Variants in DCLK2 observed in about 807,000 individuals in gnomAD.
DCLK2 encodes the protein doublecortin like kinase 2.
A neutral mutation model predicts 78.4 loss-of-function variants in DCLK2; 31 were observed. That is an observed-to-expected ratio of 0.40 (90% CI 0.30 to 0.53). The LOEUF (loss-of-function observed/expected upper bound fraction) is 0.53. DCLK2 is among the 20% of genes least tolerant of loss of function. The pLI is 0.61. For synonymous variants in DCLK2, 407 were observed against 374.9 expected, an observed-to-expected ratio of 1.09 and a Z score of -0.99; for missense variants, 872 against 973.7, an observed-to-expected ratio of 0.90 and a Z score of 1.39.
At chr4:150,234,765 A>G (rs1461272639) in intron 10 of DCLK2, among the ~76,000 whole-genome samples, 9 of 151,170 alleles carry the variant, frequency 6.0e-5, no homozygotes, top group Admixed American at 2.6e-4. Context: ...AAAAAAAAAA[A>G]AAGGGGGATT....
intron 2 of DCLK2, among the ~76,000 whole-genome samples, chr4:150,153,285 G>T (rs1421074930): frequency 6.6e-6 from 1 of 152,172 alleles, no homozygotes. Flanking sequence ...CTTCCATGTG[G>T]TGCTGAAGGC....
At chr4:150,245,719 A>T (rs1743256100) in intron 12 of DCLK2, among the ~76,000 whole-genome samples, 1 of 152,214 alleles carries the variant, frequency 6.6e-6, no homozygotes, top group Non-Finnish European at 1.5e-5. Context: ...ATGACTGCAT[A>T]GTATTCCATG....
At chr4:150,220,393 A>C (rs961760600) in intron 5 of DCLK2, among the ~76,000 whole-genome samples, 1 of 152,214 alleles carries the variant, frequency 6.6e-6, no homozygotes, top group Non-Finnish European at 1.5e-5. Context: ...TTATTGTGCC[A>C]CTAATAACTA....
At chr4:150,086,378 A>C (rs536197548) in intron 1 of DCLK2, among the ~76,000 whole-genome samples, 1 of 152,216 alleles carries the variant, frequency 6.6e-6, no homozygotes, top group South Asian at 2.1e-4. Flanking sequence ...TTTTTAATAT[A>C]TTTTTCTTCA....
chr4:150,175,011 A>AAAAAATATATATATATATAT (rs1454035697), intron 2 of DCLK2, among the ~76,000 whole-genome samples: 1 of 9,974 alleles, frequency 1.0e-4, no homozygotes, highest in African/African-American at 2.6e-4. Context: ...AAAAAAAAAA[A>AAAAAATATATATATATATAT]ATATATATAT....
At chr4:150,127,787 T>A (rs940529232) in intron 2 of DCLK2, among the ~76,000 whole-genome samples, 5 of 152,190 alleles carry the variant, frequency 3.3e-5, no homozygotes, top group Non-Finnish European at 7.3e-5. Context: ...TGTTTGGCAT[T>A]AAGCCCCTAG....
chr4:150,215,365 C>A lies in DCLK2; in HGVS notation c.1057-5338C>A, dbSNP rs76368491. On this transcript the variant is annotated intron_variant, in intron 5 of 15. Coordinates refer to ENST00000296550, the MANE Select transcript of DCLK2 (RefSeq NM_001040260.4). ...GAGGGCCCATTCCCCAAAACTACCC[C>A]CTTCTTCAGACACCAGTGGCAAGTC... 6.3e-4 allele frequency among the ~76,000 whole-genome samples: 96 copies of A among 152,250 alleles called. 1 individual carries two copies. Among genetic ancestry groups the A allele is most frequent in the African/African-American group, 2.2e-3 (91 of 41,532 alleles).
chr4:150,147,720 C>A (rs1455781887), intron 2 of DCLK2, among the ~76,000 whole-genome samples: 1 of 152,206 alleles, frequency 6.6e-6, no homozygotes, highest in East Asian at 1.9e-4. Flanking sequence ...GCCTGTGGAA[C>A]TGATGCTGGA....
intron 8 of DCLK2, among the ~76,000 whole-genome samples, chr4:150,231,183 T>C (rs1208213420): frequency 6.6e-6 from 1 of 152,248 alleles, no homozygotes; most frequent in African/African-American, 2.4e-5. Flanking sequence ...CTCCAGTGAC[T>C]GTTTCCAAGG....
At chr4:150,247,004 C>A (rs1406087341) in intron 12 of DCLK2, among the ~76,000 whole-genome samples, 2 of 152,096 alleles carry the variant, frequency 1.3e-5, no homozygotes, top group Non-Finnish European at 2.9e-5. Flanking sequence ...ATCCTGAACT[C>A]CTTATGACTT....
Position 150,102,506 on chromosome 4 carries a change from A to G in DCLK2, c.450A>G (p.Glu150=). 6.2e-7 allele frequency: 1 copy of G among 1,613,876 alleles called. No individual in the cohort carries two copies. Among genetic ancestry groups the G allele is most frequent in the Non-Finnish European group, 8.5e-7 (1 of 1,179,820 alleles). The change falls in exon 2 of 16, where the codon GAA becomes GAG. Residue 150 remains glutamate (E), a synonymous_variant. Coordinates refer to ENST00000296550, the MANE Select transcript of DCLK2 (RefSeq NM_001040260.4). The part of the protein sequence containing the change: ...EGESYVCASN[E]PFRKVDYTKN... ...AGAGTTACGTGTGTGCATCCAATGA[A>G]CCATTTCGTAAAGTCGATTACACCA...
At chr4:150,251,640 AC>A (rs1197817054) in intron 15 of DCLK2, among the ~76,000 whole-genome samples, 8 of 11,736 alleles carry the variant, frequency 6.8e-4, no homozygotes, top group Admixed American at 1.2e-3. Flanking sequence ...CACACCCCAC[AC>A]CCCCCGCCCC....
rs72730398 is a variant in DCLK2, at chr4:150,171,190, G to A, written c.757-21948G>A. Among the ~76,000 whole-genome samples the A allele has an allele frequency of 7.5e-3, 1,143 of 152,286 alleles. 3 individuals are homozygous for A. The highest frequency in any genetic ancestry group is 0.015 in the South Asian group (72 of 4,820). On this transcript the variant is annotated intron_variant, in intron 2 of 15. Coordinates refer to ENST00000296550, the MANE Select transcript of DCLK2 (RefSeq NM_001040260.4). ...AGACATACCCACATAAAATAGAGATGATTTAGTTGGCTGGGCGCGGTGGCT... is the reference window on the plus strand; with the variant it reads ...AGACATACCCACATAAAATAGAGATAATTTAGTTGGCTGGGCGCGGTGGCT...
chr4:150,183,582 G>A (rs895272352), intron 2 of DCLK2, among the ~76,000 whole-genome samples: 1 of 152,048 alleles, frequency 6.6e-6, no homozygotes, highest in Non-Finnish European at 1.5e-5. Context: ...GTTATCTTGG[G>A]ATAGAAAACT....
intron 1 of DCLK2, 30 bp downstream of exon 1, chr4:150,079,478 G>A: frequency 6.9e-7 from 1 of 1,445,068 alleles, no homozygotes; most frequent in South Asian, 1.5e-5. Flanking sequence ...CACGGCAGGT[G>A]CGGCGGAGCG....
chr4:150,114,124 A>AT lies in DCLK2; in HGVS notation c.756+11321dup, dbSNP rs530274860. 1.7e-4 allele frequency among the ~76,000 whole-genome samples: 25 copies of AT among 151,446 alleles called. No homozygotes were observed. In the South Asian group the frequency reaches 3.3e-3, roughly 20 times the overall value. On this transcript the variant is annotated intron_variant, in intron 2 of 15. Coordinates refer to ENST00000296550, the MANE Select transcript of DCLK2 (RefSeq NM_001040260.4). ...TGAGAAGATACTTGAAGTAATTTTG[A>AT]TTTTTTTTTAATTTATTAAGATTTG...
chr4:150,091,176 T>G (rs1730035141), intron 1 of DCLK2, among the ~76,000 whole-genome samples: 1 of 152,234 alleles, frequency 6.6e-6, no homozygotes, highest in Non-Finnish European at 1.5e-5. Context: ...GTATTTAAAA[T>G]GGACCTTAAA....
At chr4:150,087,264 A>T (rs998607184) in intron 1 of DCLK2, among the ~76,000 whole-genome samples, 2 of 152,198 alleles carry the variant, frequency 1.3e-5, no homozygotes, top group Admixed American at 6.5e-5. Flanking sequence ...TTTCAAACTA[A>T]GTGACTAAAA....
At chr4:150,108,658 A>T (rs1018311007) in intron 2 of DCLK2, among the ~76,000 whole-genome samples, 19 of 152,180 alleles carry the variant, frequency 1.2e-4, no homozygotes, top group Non-Finnish European at 2.6e-4. Context: ...AAAGAGTGAC[A>T]TTCTCATAAT....
Sources: allele counts gnomAD v4.1 joint callset (sites outside exome capture counted in the v4.1 genomes callset), GRCh38; gene constraint gnomAD v4.1.1; transcripts MANE v1.5; gene names NCBI Gene and HGNC (gene_info 2026-07-23, HGNC 2026-07-21).